Variants in STPG2 observed in about 807,000 individuals in gnomAD.
STPG2 encodes sperm-tail PG-rich repeat-containing protein 2.
Under a neutral mutation model 54.2 loss-of-function variants are expected in STPG2, and 56 were observed. The observed-to-expected ratio is 1.03, with a 90% CI of 0.83 to 1.29. The LOEUF (loss-of-function observed/expected upper bound fraction) is 1.29, where lower values mean the gene tolerates loss of function less well. Ranked by LOEUF, STPG2 falls within the 50% of genes most tolerant of loss-of-function variation. The pLI, the probability that STPG2 is intolerant of heterozygous loss-of-function variation, is 0.00. For synonymous variants in STPG2, 200 were observed against 181.8 expected (o/e 1.10, Z -0.81); for missense variants, 596 against 544.9 (o/e 1.09, Z -0.93).
chr4:97,553,465 C>T (rs1578383281), intron 4 of STPG2, among the ~76,000 whole-genome samples: 4 of 152,248 alleles, frequency 2.6e-5, no homozygotes. Flanking sequence ...TGAATGTAGG[C>T]TCTAAATTGT....
intron 10 of STPG2, among the ~76,000 whole-genome samples, chr4:97,685,045 T>A (rs1038679659): frequency 6.6e-6 from 1 of 152,028 alleles, no homozygotes; most frequent in Non-Finnish European, 1.5e-5. Flanking sequence ...CCTATCAGAA[T>A]GGCCAAAATC....
At chr4:97,803,426 T>C (rs1313193174) in intron 9 of STPG2, among the ~76,000 whole-genome samples, 3 of 152,212 alleles carry the variant, frequency 2.0e-5, no homozygotes, top group Non-Finnish European at 4.4e-5. Context: ...CATTAACTTT[T>C]TACCACATGA....
intron 9 of STPG2, among the ~76,000 whole-genome samples, chr4:97,718,750 C>T (rs927852748): frequency 1.3e-5 from 2 of 151,864 alleles, no homozygotes; most frequent in African/African-American, 4.8e-5. Context: ...TGCTTTTCTT[C>T]ACCCTTACAG....
At chr4:97,901,088 A>C in intron 8 of STPG2, among the ~76,000 whole-genome samples, 1 of 152,132 alleles carries the variant, frequency 6.6e-6, no homozygotes, top group Non-Finnish European at 1.5e-5. Context: ...AACAAACAAA[A>C]CTTACATAAG....
At chr4:97,898,298 C>T (rs1731038924) in intron 8 of STPG2, among the ~76,000 whole-genome samples, 1 of 150,132 alleles carries the variant, frequency 6.7e-6, no homozygotes, top group Non-Finnish European at 1.5e-5. Flanking sequence ...TTTCTATCTT[C>T]AAAAATTTCT....
intron 10 of STPG2, among the ~76,000 whole-genome samples, chr4:97,665,460 C>T (rs1722495521): frequency 6.6e-6 from 1 of 152,122 alleles, no homozygotes. Context: ...GGGTGGGTAG[C>T]TCCCCTCTGC....
intron 4 of STPG2, among the ~76,000 whole-genome samples, chr4:97,455,724 A>C (rs1313366639): frequency 6.6e-6 from 1 of 152,224 alleles, no homozygotes; most frequent in Non-Finnish European, 1.5e-5. Context: ...CTGTCCTTGC[A>C]ATGAGGCAGA....
At chr4:97,684,623 A>G (rs1373294078) in intron 10 of STPG2, among the ~76,000 whole-genome samples, 2 of 152,028 alleles carry the variant, frequency 1.3e-5, no homozygotes, top group Non-Finnish European at 2.9e-5. Flanking sequence ...TAAGTATAAA[A>G]TACAAAACCA....
At chr4:97,724,285 T>G (rs1724550694) in intron 9 of STPG2, among the ~76,000 whole-genome samples, 1 of 152,170 alleles carries the variant, frequency 6.6e-6, no homozygotes, top group African/African-American at 2.4e-5. Flanking sequence ...AATATCCAAC[T>G]GGAATCTTAA....
At chr4:97,514,353 T>G (rs570995417) in intron 4 of STPG2, among the ~76,000 whole-genome samples, 1 of 152,092 alleles carries the variant, frequency 6.6e-6, no homozygotes, top group East Asian at 1.9e-4. Context: ...TGATAAAGTG[T>G]GAGAACCTGG....
At chr4:97,816,558 G>C (rs2865942) in intron 9 of STPG2, among the ~76,000 whole-genome samples, 84,827 of 151,858 alleles carry the variant, frequency 0.56, 24,023 homozygotes, top group East Asian at 0.74. Flanking sequence ...ATATGTCTGT[G>C]AGAGTGTTTC....
chr4:97,980,641 A>ATTT (rs1436230944), intron 6 of STPG2, among the ~76,000 whole-genome samples: 1 of 152,210 alleles, frequency 6.6e-6, no homozygotes, highest in Non-Finnish European at 1.5e-5. Flanking sequence ...TATATAATAG[A>ATTT]AAAGCCTGTT....
At chr4:97,932,877 T>C (rs991356492) in intron 8 of STPG2, among the ~76,000 whole-genome samples, 1 of 152,258 alleles carries the variant, frequency 6.6e-6, no homozygotes, top group Non-Finnish European at 1.5e-5. Context: ...TTTGGATATA[T>C]ATCCCAGTAA....
chr4:97,690,174 C>T (rs1018330279), intron 10 of STPG2, among the ~76,000 whole-genome samples: 3 of 152,120 alleles, frequency 2.0e-5, no homozygotes, highest in Admixed American at 6.6e-5. Flanking sequence ...AAACTGTCAT[C>T]ACCTTTTTTC....
chr4:97,509,310 A>G (rs1730921000), intron 4 of STPG2, among the ~76,000 whole-genome samples: 1 of 152,040 alleles, frequency 6.6e-6, no homozygotes, highest in African/African-American at 2.4e-5. Context: ...GCAAGTTTCC[A>G]TTCAAGGTTT....
intron 5 of STPG2, among the ~76,000 whole-genome samples, chr4:98,006,871 A>G (rs1735593364): frequency 1.3e-5 from 2 of 152,186 alleles, no homozygotes; most frequent in African/African-American, 2.4e-5. Context: ...ACCTGTTCAC[A>G]TGGACCATGC....
At chr4:97,983,569 G>A (rs1212192555) in intron 5 of STPG2, among the ~76,000 whole-genome samples, 1 of 152,056 alleles carries the variant, frequency 6.6e-6, no homozygotes, top group Admixed American at 6.6e-5. Context: ...TGTTTCCTAT[G>A]TCCCTGTGAT....
At chr4:98,117,933 C>T (rs916514283) in intron 3 of STPG2, among the ~76,000 whole-genome samples, 3 of 152,050 alleles carry the variant, frequency 2.0e-5, no homozygotes, top group Admixed American at 6.6e-5. Context: ...GCCTTGGCTT[C>T]CTCAAGAACA....
chr4:97,584,162 T>C (rs1732933567), intron 10 of STPG2, among the ~76,000 whole-genome samples: 1 of 151,762 alleles, frequency 6.6e-6, no homozygotes, highest in African/African-American at 2.4e-5. Context: ...TTTAAGAAAA[T>C]CAAAATTATA....
Sources: allele counts gnomAD v4.1 joint callset (sites outside exome capture counted in the v4.1 genomes callset), GRCh38; gene constraint gnomAD v4.1.1; transcripts MANE v1.5; gene names NCBI Gene and HGNC (gene_info 2026-07-23, HGNC 2026-07-21).